The following GFOD1 variants were observed in gnomAD, a reference collection of about 807,000 sequenced individuals.
GFOD1 encodes glucose-fructose oxidoreductase domain-containing protein 1.
A neutral mutation model predicts 25.4 loss-of-function variants in GFOD1; 9 were observed. The ratio of observed to expected loss-of-function variants is 0.35; its 90% CI spans 0.21 to 0.62. GFOD1 has a LOEUF of 0.62. Among genes scored for constraint, GFOD1 ranks in the 20% least tolerant of loss-of-function variants. GFOD1 has a pLI of 0.72. For synonymous variants in GFOD1, 253 were observed against 245.6 expected (o/e 1.03, Z -0.28); for missense variants, 403 against 556.9 (o/e 0.72, Z 2.78).
At chr6:13,380,380 C>T (rs1785340428) in intron 1 of GFOD1, among the ~76,000 whole-genome samples, 1 of 152,192 alleles carries the variant, frequency 6.6e-6, no homozygotes, top group African/African-American at 2.4e-5. Flanking sequence ...CAAATAAAAC[C>T]AAAGAATACA....
At chr6:13,455,051 A>C (rs376581657) in intron 1 of GFOD1, among the ~76,000 whole-genome samples, 1 of 152,150 alleles carries the variant, frequency 6.6e-6, no homozygotes, top group African/African-American at 2.4e-5. Flanking sequence ...GGGTTTCGTC[A>C]TCTGAGGTCT....
At position 13,407,144 on chromosome 6, in the gene GFOD1, C is replaced by T. The variant is rs190473223; in HGVS notation, c.254-41482G>A. Among the ~76,000 whole-genome samples the T allele has an allele frequency of 6.9e-3, 1,053 of 151,584 alleles. 8 individuals are homozygous for T. The highest frequency in any genetic ancestry group is 0.02 in the Middle Eastern group (6 of 294). On this transcript the variant is annotated intron_variant, in intron 1 of 1. Coordinates refer to ENST00000379287, the MANE Select transcript of GFOD1 (RefSeq NM_018988.4). ...AAAGACAATACTCTAGGGATGGTGG[C>T]GCCAAGACAGAGGATCCTGGATCCC...
chr6:13,385,237 A>T lies in GFOD1; in HGVS notation c.254-19575T>A, dbSNP rs1785445044. Among the ~76,000 whole-genome samples the T allele has an allele frequency of 2.0e-5, 3 of 152,318 alleles. No individual in the cohort carries two copies. In the South Asian group the frequency reaches 6.2e-4, roughly 32 times the overall value. On this transcript the variant is annotated intron_variant, in intron 1 of 1. Coordinates refer to ENST00000379287, the MANE Select transcript of GFOD1 (RefSeq NM_018988.4). ...GACAGTCTAATCTCGGGCGTGTGCC[A>T]GCCTTCCGTGTAGGTATCTCAAGAC...
chr6:13,470,774 GC>G (rs1339079975), intron 1 of GFOD1: 44 of 1,196,988 alleles, frequency 3.7e-5, no homozygotes, highest in Non-Finnish European at 4.8e-5. Flanking sequence ...TCATTACTTT[GC>G]CCTTGACTAC....
chr6:13,366,042 G>GCTATGTTCTGGCCGCTGCAGTGAA lies in GFOD1; in HGVS notation c.254-381_254-380insTTCACTGCAGCGGCCAGAACATAG, dbSNP rs1562193386. On this transcript the variant is annotated intron_variant, in intron 1 of 1. Coordinates refer to ENST00000379287, the MANE Select transcript of GFOD1 (RefSeq NM_018988.4). ...AGCTATGTTCTGGCCGCTGCAGTGAGCTATGTTCTGGCCACTGCACTCCAG... is the reference window on the plus strand; with the variant it reads ...AGCTATGTTCTGGCCGCTGCAGTGAGCTATGTTCTGGCCGCTGCAGTGAACTATGTTCTGGCCACTGCACTCCAG... 2.6e-5 allele frequency among the ~76,000 whole-genome samples: 4 copies of GCTATGTTCTGGCCGCTGCAGTGAA among 151,056 alleles called. No individual in the cohort carries two copies. The East Asian group carries it at 5.9e-4, about 22-fold the overall frequency.
intron 1 of GFOD1, among the ~76,000 whole-genome samples, chr6:13,445,151 G>A (rs1357081256): frequency 1.3e-5 from 2 of 152,210 alleles, no homozygotes; most frequent in South Asian, 2.1e-4. Context: ...CACAGGCGCC[G>A]AGGCTGAACA....
intron 1 of GFOD1, among the ~76,000 whole-genome samples, chr6:13,367,903 A>C (rs1785078070): frequency 6.6e-6 from 1 of 152,162 alleles, no homozygotes; most frequent in Admixed American, 6.5e-5. Context: ...CCTCTAATGG[A>C]GACCTGGGCA....
intron 1 of GFOD1, among the ~76,000 whole-genome samples, chr6:13,410,488 AC>A (rs1193632912): frequency 1.3e-5 from 2 of 151,424 alleles, no homozygotes; most frequent in Non-Finnish European, 2.9e-5. Flanking sequence ...AATTGCTTGA[AC>A]CCAGGAGGCA....
At position 13,382,107 on chromosome 6, in the gene GFOD1, T is replaced by A. The variant is rs1785377727; in HGVS notation, c.254-16445A>T. On this transcript the variant is annotated intron_variant, in intron 1 of 1. Transcript: ENST00000379287. ...TCAAGAGTCAAGGCCCAAGTTCACA[T>A]CCTAGTAAGTGGTTGAGCCAGGATC... Among the ~76,000 whole-genome samples the A allele has an allele frequency of 2.0e-5, 3 of 152,130 alleles. No homozygotes were observed. In the South Asian group the frequency reaches 6.2e-4, roughly 31 times the overall value.
At chr6:13,453,919 G>T (rs1758143084) in intron 1 of GFOD1, among the ~76,000 whole-genome samples, 1 of 152,134 alleles carries the variant, frequency 6.6e-6, no homozygotes, top group Non-Finnish European at 1.5e-5. Context: ...GTTGAATTGT[G>T]TCTCCCCAAA....
chr6:13,466,512 G>A (rs1758381664), intron 1 of GFOD1, among the ~76,000 whole-genome samples: 1 of 151,804 alleles, frequency 6.6e-6, no homozygotes, highest in African/African-American at 2.4e-5. Context: ...AAAAGTGGCT[G>A]TACCCGCCAG....
chr6:13,465,140 G>T (rs1173752201), intron 1 of GFOD1, among the ~76,000 whole-genome samples: 2 of 151,934 alleles, frequency 1.3e-5, no homozygotes, highest in African/African-American at 4.8e-5. Context: ...TAAAGCAGGG[G>T]TGTCCAATCT....
chr6:13,391,610 T>C (rs1271958018), intron 1 of GFOD1, among the ~76,000 whole-genome samples: 1 of 151,706 alleles, frequency 6.6e-6, no homozygotes, highest in Admixed American at 6.6e-5. Flanking sequence ...AACAACTCCA[T>C]TTTTTCTTTT....
At chr6:13,393,343 G>A (rs546507) in intron 1 of GFOD1, among the ~76,000 whole-genome samples, 72,641 of 134,862 alleles carry the variant, frequency 0.54, 21,632 homozygotes, top group South Asian at 0.69. Context: ...GGAACAGAGC[G>A]AGACCCCATC....
Position 13,365,391 on chromosome 6 carries a change from G to A in GFOD1, c.525C>T (p.Ser175=), listed in dbSNP as rs754528423. ...DDLMGGGGLH[S]VGTYIIDLLT... is the part of the protein sequence containing the mutation. ...GCAGGTCGATGATGTAGGTGCCCACGGAGTGCAGGCCGCCGCCGCCCATCA... is the reference window on the plus strand; with the variant it reads ...GCAGGTCGATGATGTAGGTGCCCACAGAGTGCAGGCCGCCGCCGCCCATCA... Residue 175 remains serine, a synonymous_variant, in exon 2 of 2, where the codon TCC becomes TCT. Coordinates refer to ENST00000379287, the MANE Select transcript of GFOD1 (RefSeq NM_018988.4). The surrounding 1 kb of genome is among the most constrained non-coding windows in gnomAD (Gnocchi z 9.2). The A allele has an allele frequency of 9.3e-6, 15 of 1,613,882 alleles. No individual in the cohort carries two copies. Among genetic ancestry groups the A allele is most frequent in the Non-Finnish European group, 1.1e-5 (13 of 1,179,950 alleles).
At chr6:13,413,120 A>G (rs1408861676) in intron 1 of GFOD1, among the ~76,000 whole-genome samples, 1 of 152,192 alleles carries the variant, frequency 6.6e-6, no homozygotes, top group Non-Finnish European at 1.5e-5. Context: ...TGCACCCTAG[A>G]CTGAGGGGCC....
intron 1 of GFOD1, among the ~76,000 whole-genome samples, chr6:13,459,236 G>A (rs1489375758): frequency 6.6e-6 from 1 of 151,936 alleles, no homozygotes; most frequent in Non-Finnish European, 1.5e-5. Flanking sequence ...CGACAAACCT[G>A]ACAAAAACAA....
chr6:13,425,121 G>A (rs184369395), intron 1 of GFOD1, among the ~76,000 whole-genome samples: 2 of 151,832 alleles, frequency 1.3e-5, no homozygotes, highest in Non-Finnish European at 2.9e-5. Flanking sequence ...ACAATACTGG[G>A]CTAATTTTTT....
At chr6:13,428,359 G>A (rs1757681557) in intron 1 of GFOD1, among the ~76,000 whole-genome samples, 1 of 152,170 alleles carries the variant, frequency 6.6e-6, no homozygotes, top group Non-Finnish European at 1.5e-5. Flanking sequence ...ACTGGGCCGT[G>A]TGAAAACTGG....
Sources: allele counts gnomAD v4.1 joint callset (sites outside exome capture counted in the v4.1 genomes callset), GRCh38; gene constraint gnomAD v4.1.1; non-coding constraint Gnocchi (gnomAD v3.1); transcripts MANE v1.5; gene names NCBI Gene and HGNC (gene_info 2026-07-23, HGNC 2026-07-21).